Variants in PTPRU observed in about 807,000 individuals in gnomAD.
PTPRU encodes protein tyrosine phosphatase receptor type U.
In PTPRU, 69 loss-of-function variants were observed where a neutral mutation model predicts 166.3. The ratio of observed to expected loss-of-function variants is 0.41; its 90% confidence interval spans 0.34 to 0.51. PTPRU has a LOEUF of 0.51. PTPRU is among the 20% of genes least tolerant of loss of function. The pLI is 0.09. For synonymous variants in PTPRU, 793 were observed against 814.0 expected, an observed-to-expected ratio of 0.97 and a Z score of 0.44; for missense variants, 1,657 against 2,013.7, an observed-to-expected ratio of 0.82 and a Z score of 3.39.
At chr1:29,289,606 CT>C in intron 14 of PTPRU, 1 of 1,583,536 alleles carries the variant, frequency 6.3e-7, no homozygotes, top group Admixed American at 1.7e-5. Flanking sequence ...ACCCTGCTGC[CT>C]GGGCATTGCC....
intron 7 of PTPRU, among the ~76,000 whole-genome samples, chr1:29,269,244 ATATTTTTTTTTTT>A (rs1685449928): frequency 2.9e-4 from 8 of 27,606 alleles, no homozygotes; most frequent in Non-Finnish European, 5.7e-4. Flanking sequence ...ATATATATAT[ATATTTTTTTTTTT>A]TTTTTTTTTT....
chr1:29,325,476 T>G, intron 29 of PTPRU, 123 bp from the exon 30 acceptor site: 1 of 1,505,630 alleles, frequency 6.6e-7, no homozygotes. Flanking sequence ...CATTTCTCCC[T>G]TCTCCCCGAG....
At chr1:29,240,766 A>C (rs891678648) in intron 1 of PTPRU, among the ~76,000 whole-genome samples, 1 of 151,936 alleles carries the variant, frequency 6.6e-6, no homozygotes, top group Non-Finnish European at 1.5e-5. Flanking sequence ...TTGAGTCTCA[A>C]CGGTCTGTGT....
chr1:29,303,149 G>A (rs78361408), intron 15 of PTPRU, among the ~76,000 whole-genome samples: 1,536 of 152,310 alleles, frequency 0.01, 26 homozygotes, highest in African/African-American at 0.035. Flanking sequence ...GTCCCAAGGC[G>A]GGTGTGGCTA....
In PTPRU at chr1:29,291,391, G is replaced by T. The variant is rs1686625451; in HGVS notation, c.2319-478G>T. 6.7e-6 allele frequency among the ~76,000 whole-genome samples: 1 copy of T among 150,010 alleles called. No individual in the cohort carries two copies. The highest frequency in any genetic ancestry group is 6.6e-5 in the Admixed American group (1 of 15,198). ...AGGAGGGGTGTAGTCCCTCCTTCCT[G>T]CAGGAGAAGGAGGAGTCTGGAGAGT... On this transcript the variant is annotated intron_variant, in intron 14 of 29. Transcript: ENST00000373779. The surrounding 1 kb of genome is among the most constrained non-coding windows in gnomAD (Gnocchi z 4.1).
chr1:29,278,147 G>C (rs1277103978), intron 8 of PTPRU, among the ~76,000 whole-genome samples: 1 of 151,926 alleles, frequency 6.6e-6, no homozygotes, highest in Admixed American at 6.6e-5. Flanking sequence ...AGCTACACTC[G>C]AATGCTATCA....
chr1:29,302,912 AC>A (rs1257985937), intron 15 of PTPRU, among the ~76,000 whole-genome samples: 2 of 152,170 alleles, frequency 1.3e-5, no homozygotes, highest in African/African-American at 4.8e-5. Context: ...ATAAATACTT[AC>A]CATTGTGTTA....
chr1:29,304,573 C>G (rs910392429), intron 16 of PTPRU, among the ~76,000 whole-genome samples: 18 of 152,312 alleles, frequency 1.2e-4, no homozygotes, highest in Middle Eastern at 6.8e-3. Flanking sequence ...CCCTTCCCCC[C>G]ACATGCCTTG....
chr1:29,305,358 G>A lies in PTPRU; in HGVS notation c.2750G>A (p.Arg917Gln), dbSNP rs140091385. The change falls in exon 18 of 30, where the codon CGG becomes CAG. Residue 917 changes from arginine (R) to glutamine (Q), a missense_variant. This residue lies in a region of PTPRU where 1,190 missense variants were observed against 1,477.4 expected (regional missense o/e 0.81). Transcript: ENST00000373779. ...ACCTGCTCTGTGTTTACAGATGATC[G>A]GCACCGAGTGAAACTGCACCCGATG... ...SRQEPMPAYD[R>Q]HRVKLHPMLG... is the part of the protein sequence containing the mutation. 3.7e-5 allele frequency: 59 copies of A among 1,613,784 alleles called. No individual in the cohort carries two copies. The highest frequency in any genetic ancestry group is 1.9e-4 in the African/African-American group (14 of 75,028).
intron 13 of PTPRU, 96 bp downstream of exon 13, chr1:29,284,072 A>G: frequency 1.3e-6 from 2 of 1,503,502 alleles, no homozygotes; most frequent in Admixed American, 1.7e-5. Flanking sequence ...CTGTGGGAGT[A>G]GAGGAGGGTG....
At position 29,237,806 on chromosome 1, in the gene PTPRU, G is replaced by A. The variant is rs1298506743; in HGVS notation, c.73+1089G>A. 6.8e-6 allele frequency among the ~76,000 whole-genome samples: 1 copy of A among 146,272 alleles called. No individual in the cohort carries two copies. Among genetic ancestry groups the A allele is most frequent in the African/African-American group, 2.5e-5 (1 of 40,756 alleles). The stretch of plus-strand genomic sequence containing the variant: ...CAGCGGGCCCCAGCGAGGGGCCGGC[G>A]GGCGGGCAGGGGAGGGCCGGACCGG... On this transcript the variant is annotated intron_variant, in intron 1 of 29. Transcript: ENST00000373779. The surrounding 1 kb of genome is among the most constrained non-coding windows in gnomAD (Gnocchi z 6.4).
At chr1:29,293,543 C>T (rs1378356258) in intron 15 of PTPRU, among the ~76,000 whole-genome samples, 1 of 149,430 alleles carries the variant, frequency 6.7e-6, no homozygotes, top group East Asian at 2.1e-4. Context: ...GGCGCAATCT[C>T]CGCTCACTGC....
intron 15 of PTPRU, among the ~76,000 whole-genome samples, chr1:29,294,031 C>G (rs1686773532): frequency 6.6e-6 from 1 of 152,276 alleles, no homozygotes; most frequent in Admixed American, 6.5e-5. Flanking sequence ...TTCTTGTTAT[C>G]ACAAATGAGA....
rs1233021791 is a variant in PTPRU, at chr1:29,257,481, C to T, written c.206-1024C>T. On this transcript the variant is annotated intron_variant, in intron 2 of 29. Coordinates refer to ENST00000373779, the MANE Select transcript of PTPRU (RefSeq NM_133178.4). The surrounding 1 kb of genome is among the most constrained non-coding windows in gnomAD (Gnocchi z 4.6). Reference sequence around the variant, plus strand: ...GGGAGGAGGCAGCGCTGGGTGGTTTCGGGTGCCCTTTGGGAAGCCCAAATC... The same window carrying T: ...GGGAGGAGGCAGCGCTGGGTGGTTTTGGGTGCCCTTTGGGAAGCCCAAATC... 1.3e-5 allele frequency among the ~76,000 whole-genome samples: 2 copies of T among 152,098 alleles called. No individual in the cohort carries two copies. Among genetic ancestry groups the T allele is most frequent in the South Asian group, 2.1e-4 (1 of 4,830 alleles).
chr1:29,273,396 G>A (rs1685659103), intron 7 of PTPRU, among the ~76,000 whole-genome samples: 1 of 152,148 alleles, frequency 6.6e-6, no homozygotes, highest in African/African-American at 2.4e-5. Context: ...AGCTCCCTGA[G>A]TAGCTGGGAC....
chr1:29,284,001 C>CT, intron 13 of PTPRU, 25 bp downstream of exon 13: 1 of 1,612,904 alleles, frequency 6.2e-7, no homozygotes, highest in South Asian at 1.1e-5. Flanking sequence ...TTCCTGCAGC[C>CT]TTTCAGCGGC....
chr1:29,310,728 TCTC>T lies in PTPRU; in HGVS notation c.2821-10_2821-8del, dbSNP rs1194180051. On this transcript the variant is annotated splice_polypyrimidine_tract_variant and intron_variant, in intron 18 of 29. Coordinates refer to ENST00000373779, the MANE Select transcript of PTPRU (RefSeq NM_133178.4). ...TACTCCCTGGGGTCTAACCGTGCCCTCTCCTCCTGTTCCAGGGTTACCACAGGT... is the reference window on the plus strand; with the variant it reads ...TACTCCCTGGGGTCTAACCGTGCCCTCTCCTGTTCCAGGGTTACCACAGGT... 6.2e-7 allele frequency: 1 copy of T among 1,612,962 alleles called. No homozygotes were observed. Among genetic ancestry groups the T allele is most frequent in the Non-Finnish European group, 8.5e-7 (1 of 1,179,008 alleles).
At position 29,312,606 on chromosome 1, in the gene PTPRU, G is replaced by C. The variant is rs892881427; in HGVS notation, c.3127G>C (p.Glu1043Gln). ...VRQFHFTAWPEHGVPYHATGL... is the reference protein window; with the variant it reads ...VRQFHFTAWPQHGVPYHATGL... ...CCAGTTCCACTTCACAGCGTGGCCA[G>C]AGCATGGCGTCCCCTACCATGCCAC... The change falls in exon 22 of 30, where the codon GAG becomes CAG. Residue 1043 changes from glutamate to glutamine, a missense_variant. By Grantham distance (29) the Glu-to-Gln change is conservative (BLOSUM62 2). Coordinates refer to ENST00000373779, the MANE Select transcript of PTPRU (RefSeq NM_133178.4). 3 of 1,610,634 alleles carry C rather than the reference G, an allele frequency of 1.9e-6. No individual in the cohort carries two copies. The highest frequency in any genetic ancestry group is 2.5e-6 in the Non-Finnish European group (3 of 1,177,426).
intron 22 of PTPRU, among the ~76,000 whole-genome samples, chr1:29,313,646 C>G (rs1427691769): frequency 6.6e-6 from 1 of 152,058 alleles, no homozygotes; most frequent in Non-Finnish European, 1.5e-5. Flanking sequence ...ATTTGAGGCC[C>G]AAAGTTCGAG....
Sources: allele counts gnomAD v4.1 joint callset (sites outside exome capture counted in the v4.1 genomes callset), GRCh38; gene constraint gnomAD v4.1.1; regional missense constraint gnomAD v4.1.1; non-coding constraint Gnocchi (gnomAD v3.1); transcripts MANE v1.5; gene names NCBI Gene and HGNC (gene_info 2026-07-23, HGNC 2026-07-21).